Variants in MYO5B observed in about 807,000 individuals in gnomAD.
MYO5B encodes the protein unconventional myosin-Vb.
MYO5B carries 143 observed loss-of-function variants against 229.3 expected under a neutral mutation model. That is an observed-to-expected ratio of 0.62 (90% CI 0.54 to 0.72). The LOEUF (loss-of-function observed/expected upper bound fraction) is 0.72, where lower values mean the gene tolerates loss of function less well. Ranked by LOEUF, MYO5B falls within the 30% of genes least tolerant of loss-of-function variation. The pLI, the probability that MYO5B is intolerant of heterozygous loss-of-function variation, is 0.00. For synonymous variants in MYO5B, 918 were observed against 885.2 expected, an observed-to-expected ratio of 1.04 and a Z score of -0.66; for missense variants, 2,321 against 2,331.0, an observed-to-expected ratio of 1.00 and a Z score of 0.09.
chr18:49,959,139 T>TCC (rs1260800506), intron 12 of MYO5B, among the ~76,000 whole-genome samples: 3 of 138,430 alleles, frequency 2.2e-5, no homozygotes, highest in African/African-American at 8.2e-5. Context: ...GAACACCCCC[T>TCC]CCTCATCTGA....
chr18:49,877,661 C>A (rs2024541731), intron 25 of MYO5B, 102 bp downstream of exon 25: 2 of 1,527,216 alleles, frequency 1.3e-6, no homozygotes, highest in South Asian at 2.3e-5. Context: ...GCACTCTGGT[C>A]ACCATCAGCA....
Position 50,195,043 on chromosome 18 carries a change from C to G in MYO5B, c.-250G>C, listed in dbSNP as rs1346304854. On this transcript the variant is annotated 5_prime_UTR_variant, in exon 1 of 40. Coordinates refer to ENST00000285039, the MANE Select transcript of MYO5B (RefSeq NM_001080467.3). ...AGTTGCGAGCGCCGGGGGAGGAGGC[C>G]GCGCCGCACCACTCCCCTCCCAGGT... 5.6e-6 allele frequency: 2 copies of G among 357,176 alleles called. No homozygotes were observed. Among genetic ancestry groups the G allele is most frequent in the Non-Finnish European group, 9.7e-6 (2 of 205,472 alleles). 22.1% of individuals were successfully genotyped at this position (357,176 alleles called of 1,614,324 possible).
Position 49,936,238 on chromosome 18 carries a change from C to G in MYO5B, c.2003+14G>C. On this transcript the variant is annotated intron_variant, in intron 16 of 39. Transcript: ENST00000285039. ...AGGCTGGGCTGGACAGGCTAATGCC[C>G]AGCAGGCACTTACTGAAAGGGGAGC... 1.3e-6 allele frequency: 2 copies of G among 1,575,928 alleles called. No homozygotes were observed. Among genetic ancestry groups the G allele is most frequent in the Non-Finnish European group, 1.7e-6 (2 of 1,157,578 alleles).
At chr18:49,919,730 C>A (rs760859670) in intron 17 of MYO5B, among the ~76,000 whole-genome samples, 3 of 152,140 alleles carry the variant, frequency 2.0e-5, no homozygotes, top group Non-Finnish European at 2.9e-5. Context: ...GGTAAGAATG[C>A]AAAATGGTAC....
chr18:50,121,072 G>A (rs967562002), intron 1 of MYO5B, among the ~76,000 whole-genome samples: 1 of 152,160 alleles, frequency 6.6e-6, no homozygotes, highest in Non-Finnish European at 1.5e-5. Flanking sequence ...TATCTGAGAT[G>A]CTTTCCCTTC....
chr18:49,984,013 T>C (rs1396400296), intron 8 of MYO5B, among the ~76,000 whole-genome samples: 1 of 152,208 alleles, frequency 6.6e-6, no homozygotes, highest in African/African-American at 2.4e-5. Flanking sequence ...CTTGCGCCAC[T>C]TGGGGTTTCA....
intron 21 of MYO5B, among the ~76,000 whole-genome samples, chr18:49,900,150 C>G (rs1269684686): frequency 6.6e-6 from 1 of 152,220 alleles, no homozygotes; most frequent in Non-Finnish European, 1.5e-5. Context: ...TGAGACTGCA[C>G]TCTGGCTGGA....
intron 1 of MYO5B, among the ~76,000 whole-genome samples, chr18:50,086,490 G>A (rs991009238): frequency 3.3e-5 from 5 of 152,134 alleles, no homozygotes; most frequent in African/African-American, 7.2e-5. Flanking sequence ...GTGTGTGCAC[G>A]TGTGTGTATC....
At chr18:50,147,367 C>T (rs563999107) in intron 1 of MYO5B, among the ~76,000 whole-genome samples, 1 of 152,310 alleles carries the variant, frequency 6.6e-6, no homozygotes, top group East Asian at 1.9e-4. Flanking sequence ...CTGCCACTGC[C>T]CTGTCCACAG....
chr18:50,113,668 C>T (rs1483812884), intron 1 of MYO5B, among the ~76,000 whole-genome samples: 4 of 152,168 alleles, frequency 2.6e-5, no homozygotes, highest in Admixed American at 1.3e-4. Context: ...TACTGTGGGG[C>T]CCTGAAGGGT....
chr18:50,130,481 G>A (rs767194937), intron 1 of MYO5B, among the ~76,000 whole-genome samples: 20 of 152,096 alleles, frequency 1.3e-4, no homozygotes, highest in African/African-American at 3.6e-4. Context: ...ACACACATGC[G>A]GTTCATTTCT....
chr18:50,136,352 G>GT lies in MYO5B; in HGVS notation c.27+58414dup, dbSNP rs796793630. ...GACATCAACTGGATATTTGTTTTTT[G>GT]TTTTTTTTTTACTTTTTTTTTTTTT... On this transcript the variant is annotated intron_variant, in intron 1 of 39. Coordinates refer to ENST00000285039, the MANE Select transcript of MYO5B (RefSeq NM_001080467.3). Among the ~76,000 whole-genome samples, 674 of 114,620 alleles carry GT rather than the reference G, an allele frequency of 5.9e-3. 3 individuals carry two copies. The highest frequency in any genetic ancestry group is 0.017 in the African/African-American group (520 of 31,372). 75.2% of individuals were successfully genotyped at this position (114,620 alleles called of 152,430 possible).
intron 1 of MYO5B, among the ~76,000 whole-genome samples, chr18:50,183,785 C>A (rs1401303770): frequency 1.3e-5 from 2 of 152,000 alleles, no homozygotes; most frequent in Non-Finnish European, 2.9e-5. Flanking sequence ...GTTATAGGGG[C>A]GGATCCCTCA....
At chr18:49,911,056 T>A (rs956793832) in intron 18 of MYO5B, among the ~76,000 whole-genome samples, 2 of 152,230 alleles carry the variant, frequency 1.3e-5, no homozygotes, top group Non-Finnish European at 2.9e-5. Context: ...TAAAATCTAT[T>A]GCCTTACTTA....
rs138582195 is a variant in MYO5B at position 49,974,619 on chromosome 18, T to G, written c.1057-4A>C. Reference sequence around the variant, plus strand: ...TGCTTAGGTATACATCCTGGGGCTGTGGGAGATGGGGGAGATAGGTTCAGG... The same window carrying G: ...TGCTTAGGTATACATCCTGGGGCTGGGGGAGATGGGGGAGATAGGTTCAGG... On this transcript the variant is annotated splice_polypyrimidine_tract_variant and splice_region_variant and intron_variant, in intron 9 of 39. Coordinates refer to ENST00000285039, the MANE Select transcript of MYO5B (RefSeq NM_001080467.3). 2 of 1,612,746 alleles carry G rather than the reference T, an allele frequency of 1.2e-6. No homozygotes were observed. The highest frequency in any genetic ancestry group is 1.7e-6 in the Non-Finnish European group (2 of 1,179,224).
intron 39 of MYO5B, 87 bp from the exon 40 acceptor site, chr18:49,826,710 A>T (rs2023851300): frequency 6.8e-7 from 1 of 1,477,928 alleles, no homozygotes. Flanking sequence ...GTTGGCATAT[A>T]TCATGGAAAG....
chr18:49,958,022 G>A (rs974313616), intron 12 of MYO5B, among the ~76,000 whole-genome samples: 2 of 152,080 alleles, frequency 1.3e-5, no homozygotes, highest in African/African-American at 4.8e-5. Flanking sequence ...GCTGCTTCCA[G>A]GCCTTTATTT....
chr18:49,833,499 T>C (rs894205918), intron 39 of MYO5B, among the ~76,000 whole-genome samples: 2 of 152,204 alleles, frequency 1.3e-5, no homozygotes, highest in African/African-American at 4.8e-5. Flanking sequence ...CTGAGGAAGA[T>C]TCAGAATCTG....
intron 22 of MYO5B, among the ~76,000 whole-genome samples, chr18:49,880,928 T>G (rs73436387): frequency 0.015 from 2,319 of 152,340 alleles, 64 homozygotes; most frequent in African/African-American, 0.054. Context: ...TAAGGTTATC[T>G]ACTGGCACAT....
Sources: allele counts gnomAD v4.1 joint callset (sites outside exome capture counted in the v4.1 genomes callset), GRCh38; gene constraint gnomAD v4.1.1; transcripts MANE v1.5; gene names NCBI Gene and HGNC (gene_info 2026-07-23, HGNC 2026-07-21).